CNTNAP5: variants seen among roughly 807,000 people sequenced by gnomAD.
CNTNAP5 encodes contactin associated protein family member 5, also known as contactin-associated protein-like 5.
A neutral mutation model predicts 150.2 loss-of-function variants in CNTNAP5; 72 were observed. The observed-to-expected ratio is 0.48, with a 90% CI of 0.40 to 0.58. The LOEUF (loss-of-function observed/expected upper bound fraction) is 0.58, where lower values mean the gene tolerates loss of function less well. CNTNAP5 is among the 20% of genes least tolerant of loss of function. CNTNAP5 has a pLI of 0.00. For synonymous variants in CNTNAP5, 672 were observed against 619.8 expected, an observed-to-expected ratio of 1.08 and a Z score of -1.25; for missense variants, 1,636 against 1,626.2, an observed-to-expected ratio of 1.01 and a Z score of -0.10.
chr2:124,698,670 C>G (rs6755119), intron 13 of CNTNAP5, among the ~76,000 whole-genome samples: 57,729 of 151,874 alleles, frequency 0.38, 11,688 homozygotes, highest in African/African-American at 0.46. Flanking sequence ...ATGGTCGACA[C>G]TGGCATTCCC....
chr2:124,235,918 A>G (rs979888278), intron 2 of CNTNAP5, among the ~76,000 whole-genome samples: 2 of 151,504 alleles, frequency 1.3e-5, no homozygotes, highest in African/African-American at 4.9e-5. Context: ...CACATGGTGC[A>G]TGGTGTGTTG....
chr2:124,106,803 G>A (rs1683181295), intron 1 of CNTNAP5, among the ~76,000 whole-genome samples: 1 of 152,146 alleles, frequency 6.6e-6, no homozygotes, highest in Non-Finnish European at 1.5e-5. Flanking sequence ...CTGAGGCTTG[G>A]GGCTGGCACT....
At chr2:124,571,460 A>ACATCT (rs1696150151) in intron 11 of CNTNAP5, among the ~76,000 whole-genome samples, 1 of 151,198 alleles carries the variant, frequency 6.6e-6, no homozygotes, top group Non-Finnish European at 1.5e-5. Context: ...GGGATGTTTC[A>ACATCT]GGAATAGACT....
chr2:124,706,355 A>G (rs1679637258), intron 13 of CNTNAP5, among the ~76,000 whole-genome samples: 1 of 152,180 alleles, frequency 6.6e-6, no homozygotes. Flanking sequence ...TATTTTGGAA[A>G]ATTTTACATT....
chr2:124,029,007 A>T (rs1680969760), intron 1 of CNTNAP5, among the ~76,000 whole-genome samples: 1 of 152,168 alleles, frequency 6.6e-6, no homozygotes, highest in African/African-American at 2.4e-5. Context: ...TATTTTTAAC[A>T]ATAAGTATAA....
At chr2:124,413,414 A>G (rs1313744749) in intron 3 of CNTNAP5, among the ~76,000 whole-genome samples, 2 of 142,610 alleles carry the variant, frequency 1.4e-5, no homozygotes, top group Non-Finnish European at 3.1e-5. Context: ...TCATGCTGCT[A>G]TAAAGACACA....
At chr2:124,831,756 C>T (rs557680760) in intron 19 of CNTNAP5, among the ~76,000 whole-genome samples, 65 of 151,364 alleles carry the variant, frequency 4.3e-4, no homozygotes, top group African/African-American at 1.5e-3. Context: ...TTTAATTTAA[C>T]ATAACTTTAA....
At chr2:124,138,845 T>C (rs192602584) in intron 1 of CNTNAP5, among the ~76,000 whole-genome samples, 219 of 149,440 alleles carry the variant, frequency 1.5e-3, no homozygotes, top group African/African-American at 5.2e-3. Flanking sequence ...ACACCACATA[T>C]CATATATATA....
intron 3 of CNTNAP5, among the ~76,000 whole-genome samples, chr2:124,340,150 G>C (rs1689575205): frequency 6.6e-6 from 1 of 152,074 alleles, no homozygotes; most frequent in Non-Finnish European, 1.5e-5. Flanking sequence ...GATTAGTCTG[G>C]GGAAGGGCTA....
At chr2:124,267,143 C>T (rs1235333357) in intron 3 of CNTNAP5, among the ~76,000 whole-genome samples, 1 of 151,978 alleles carries the variant, frequency 6.6e-6, no homozygotes, top group Non-Finnish European at 1.5e-5. Flanking sequence ...GCAGGCTGCA[C>T]GGGGAGGAGT....
Position 124,798,327 on chromosome 2 carries a change from G to A in CNTNAP5, c.3217+7G>A, listed in dbSNP as rs764416862. On this transcript the variant is annotated splice_region_variant and intron_variant, in intron 19 of 23. Coordinates refer to ENST00000682447, the MANE Select transcript of CNTNAP5 (RefSeq NM_001367498.1). ...GTTCTGCTCTGCAAGAATGGTGAGT[G>A]TGATGGCATGATACCCAGCGGAGTC... 4 of 1,591,644 alleles carry A rather than the reference G, an allele frequency of 2.5e-6. No individual in the cohort carries two copies. The highest frequency in any genetic ancestry group is 2.6e-6 in the Non-Finnish European group (3 of 1,159,700).
intron 2 of CNTNAP5, among the ~76,000 whole-genome samples, chr2:124,235,892 T>C (rs1686732950): frequency 6.6e-6 from 1 of 152,278 alleles, no homozygotes; most frequent in African/African-American, 2.4e-5. Context: ...TACAGGTGTT[T>C]ATCATTTTTG....
At chr2:124,814,235 C>T (rs1682301446) in intron 19 of CNTNAP5, among the ~76,000 whole-genome samples, 1 of 150,414 alleles carries the variant, frequency 6.6e-6, no homozygotes, top group South Asian at 2.1e-4. Flanking sequence ...TACCTTTGCT[C>T]GAATCCTCTT....
intron 13 of CNTNAP5, among the ~76,000 whole-genome samples, chr2:124,658,790 G>T (rs1678512650): frequency 6.6e-6 from 1 of 152,176 alleles, no homozygotes. Context: ...GGCTTACGGG[G>T]TAGATATGGA....
chr2:124,214,928 G>A (rs1686116140), intron 1 of CNTNAP5, among the ~76,000 whole-genome samples: 1 of 152,134 alleles, frequency 6.6e-6, no homozygotes, highest in South Asian at 2.1e-4. Context: ...TTAGAAAGCT[G>A]TATTTTTGGT....
intron 11 of CNTNAP5, among the ~76,000 whole-genome samples, chr2:124,597,305 G>T (rs866089108): frequency 0.027 from 4,129 of 150,280 alleles, 60 homozygotes; most frequent in African/African-American, 0.04. Flanking sequence ...CATGTTTAGC[G>T]CTTCCTTCAG....
intron 1 of CNTNAP5, among the ~76,000 whole-genome samples, chr2:124,217,409 A>G (rs969455690): frequency 6.6e-6 from 1 of 152,182 alleles, no homozygotes; most frequent in Non-Finnish European, 1.5e-5. Flanking sequence ...AAATTGAAGG[A>G]GAGCACAGGT....
intron 3 of CNTNAP5, among the ~76,000 whole-genome samples, chr2:124,395,189 A>G (rs1691215014): frequency 1.3e-5 from 2 of 152,216 alleles, no homozygotes; most frequent in Admixed American, 1.3e-4. Context: ...ATATGTACAC[A>G]CATAGTTATA....
At chr2:124,810,688 A>G (rs185917032) in intron 19 of CNTNAP5, among the ~76,000 whole-genome samples, 169 of 152,268 alleles carry the variant, frequency 1.1e-3, no homozygotes, top group African/African-American at 3.8e-3. Flanking sequence ...AGAACCCACC[A>G]CAGAACAGGC....
Sources: allele counts gnomAD v4.1 joint callset (sites outside exome capture counted in the v4.1 genomes callset), GRCh38; gene constraint gnomAD v4.1.1; transcripts MANE v1.5; gene names NCBI Gene and HGNC (gene_info 2026-07-23, HGNC 2026-07-21).